KLHL32: variants seen among roughly 807,000 people sequenced by gnomAD.
KLHL32 encodes kelch like family member 32.
A neutral mutation model predicts 64.8 loss-of-function variants in KLHL32; 35 were observed. The observed-to-expected ratio is 0.54, with a 90% CI of 0.41 to 0.72. The LOEUF is 0.72. KLHL32 is among the 30% of genes least tolerant of loss of function. KLHL32 has a pLI of 0.00. For missense variants in KLHL32, 589 were observed against 768.5 expected (o/e 0.77, Z 2.76); for synonymous variants, 259 against 281.0 (o/e 0.92, Z 0.78).
At chr6:97,059,632 C>T (rs1788550608) in intron 4 of KLHL32, among the ~76,000 whole-genome samples, 1 of 152,084 alleles carries the variant, frequency 6.6e-6, no homozygotes, top group Non-Finnish European at 1.5e-5. Flanking sequence ...AATTCTTTTC[C>T]TTTAAATGGC....
At chr6:97,021,061 G>A (rs1188987916) in intron 3 of KLHL32, among the ~76,000 whole-genome samples, 3 of 150,930 alleles carry the variant, frequency 2.0e-5, no homozygotes. Context: ...TATATATAGA[G>A]AAAAAAAGAT....
intron 9 of KLHL32, 116 bp from the exon 10 acceptor site, chr6:97,132,537 C>T: frequency 1.4e-6 from 1 of 708,104 alleles, no homozygotes; most frequent in Admixed American, 2.6e-5. Flanking sequence ...GCAAAAATCC[C>T]ATGGAGTATA....
At chr6:97,074,951 G>A (rs910552975) in intron 5 of KLHL32, among the ~76,000 whole-genome samples, 3 of 151,788 alleles carry the variant, frequency 2.0e-5, no homozygotes, top group African/African-American at 4.8e-5. Context: ...AGTGAACTTT[G>A]AAACAGCATT....
At chr6:96,934,548 C>T (rs1028848951) in intron 1 of KLHL32, among the ~76,000 whole-genome samples, 2 of 152,218 alleles carry the variant, frequency 1.3e-5, no homozygotes, top group Non-Finnish European at 2.9e-5. Context: ...TCTCTACCAA[C>T]CAGGTGCCCT....
At chr6:97,058,887 A>G (rs983163563) in intron 4 of KLHL32, among the ~76,000 whole-genome samples, 4 of 152,224 alleles carry the variant, frequency 2.6e-5, no homozygotes, top group African/African-American at 9.7e-5. Flanking sequence ...ATATTTGTTT[A>G]AGCTGCTTTG....
At chr6:97,017,270 T>C (rs1264305814) in intron 3 of KLHL32, among the ~76,000 whole-genome samples, 1 of 152,224 alleles carries the variant, frequency 6.6e-6, no homozygotes, top group African/African-American at 2.4e-5. Flanking sequence ...GCCAAGCTGG[T>C]GCATCTAAAA....
chr6:96,996,227 T>C (rs1778408565), intron 3 of KLHL32, among the ~76,000 whole-genome samples: 1 of 152,256 alleles, frequency 6.6e-6, no homozygotes, highest in African/African-American at 2.4e-5. Flanking sequence ...GTCTTGACTG[T>C]CTAACATAAC....
intron 3 of KLHL32, among the ~76,000 whole-genome samples, chr6:97,000,771 T>C (rs950825495): frequency 1.3e-5 from 2 of 152,192 alleles, no homozygotes; most frequent in African/African-American, 4.8e-5. Flanking sequence ...ATTTCCAAAA[T>C]GTGAAGCAAC....
rs12199554 is a variant in KLHL32 at position 97,038,408 on chromosome 6, A to T, written c.205-3084A>T. On this transcript the variant is annotated intron_variant, in intron 3 of 10. Transcript: ENST00000369261. ...ATACAGATGTCCAATAGATATATTT[A>T]AAAAAATGCTGAAGGTCACTGAGCA... Among the ~76,000 whole-genome samples the T allele has an allele frequency of 3.6e-3, 552 of 152,266 alleles. 2 individuals carry two copies. The highest frequency in any genetic ancestry group is 5.8e-3 in the Non-Finnish European group (393 of 68,024).
chr6:96,979,992 A>G (rs897008295), intron 3 of KLHL32, among the ~76,000 whole-genome samples: 5 of 58,120 alleles, frequency 8.6e-5, no homozygotes, highest in Non-Finnish European at 3.0e-5. Context: ...AATGCTACTG[A>G]TATTCGTACA....
the KLHL32 span, among the ~76,000 whole-genome samples, chr6:96,911,824 C>CTTTTTTTTTTTTTTTTTTTTTTTTTTTT: frequency 2.2e-4 from 12 of 54,078 alleles, 4 homozygotes; most frequent in East Asian, 2.2e-3. Flanking sequence ...CTCGGTCCTT[C>CTTTTTTTTTTTTTTTTTTTTTTTTTTTT]TTTTTTTTTT....
At chr6:96,968,715 A>G (rs1371755632) in intron 2 of KLHL32, among the ~76,000 whole-genome samples, 1 of 152,162 alleles carries the variant, frequency 6.6e-6, no homozygotes, top group Admixed American at 6.5e-5. Context: ...TGGAAGTGTC[A>G]CAACACAACC....
At chr6:96,911,743 T>C in the KLHL32 span, among the ~76,000 whole-genome samples, 1 of 151,948 alleles carries the variant, frequency 6.6e-6, no homozygotes, top group Non-Finnish European at 1.5e-5. Context: ...TTCTTACTTA[T>C]TACTCAGCAG....
At chr6:97,041,696 T>C in intron 4 of KLHL32, 97 bp downstream of exon 4, 1 of 678,182 alleles carries the variant, frequency 1.5e-6, no homozygotes, top group Non-Finnish European at 2.5e-6. Context: ...ATTGTTCTTG[T>C]TACTCATTTT....
chr6:97,035,120 A>G (rs889229855), intron 3 of KLHL32, among the ~76,000 whole-genome samples: 3 of 151,778 alleles, frequency 2.0e-5, no homozygotes, highest in Non-Finnish European at 4.4e-5. Context: ...TTCTCTATTT[A>G]TCTTTTGTAT....
intron 3 of KLHL32, chr6:97,025,208 A>G (rs1236125840): frequency 1.2e-6 from 1 of 834,646 alleles, no homozygotes; most frequent in Non-Finnish European, 1.4e-6. Flanking sequence ...CGTCTTTGTA[A>G]AAATCTGATT....
intron 2 of KLHL32, among the ~76,000 whole-genome samples, chr6:96,973,003 A>G (rs1375622474): frequency 1.3e-5 from 2 of 152,232 alleles, no homozygotes; most frequent in Non-Finnish European, 2.9e-5. Context: ...TCAGAATACA[A>G]TAATGATTTG....
intron 7 of KLHL32, among the ~76,000 whole-genome samples, chr6:97,123,815 C>T (rs1008158870): frequency 2.6e-5 from 4 of 152,172 alleles, no homozygotes; most frequent in African/African-American, 9.6e-5. Context: ...CATGTGGCAT[C>T]GTAACCCAGA....
chr6:97,128,351 G>A (rs1799086122), intron 8 of KLHL32, among the ~76,000 whole-genome samples: 1 of 152,186 alleles, frequency 6.6e-6, no homozygotes, highest in South Asian at 2.1e-4. Flanking sequence ...AGATTTCAGA[G>A]ACCAAATGTC....
Sources: gnomAD v4.1 joint callset for allele counts (sites outside exome capture counted in the v4.1 genomes callset) on GRCh38, gnomAD v4.1.1 for gene constraint, MANE v1.5 for transcripts, NCBI Gene and HGNC (gene_info 2026-07-23, HGNC 2026-07-21) for gene names.